The following TMLHE variants were observed in gnomAD, a reference collection of about 807,000 sequenced individuals.
The protein encoded by TMLHE is trimethyllysine dioxygenase, mitochondrial.
TMLHE carries 18 observed loss-of-function variants against 25.7 expected under a neutral mutation model. The ratio of observed to expected loss-of-function variants is 0.70; its 90% CI spans 0.48 to 1.04. TMLHE has a LOEUF of 1.04. Among genes scored for constraint, TMLHE ranks in the 50% least tolerant of loss-of-function variants. TMLHE has a pLI of 0.00. For missense variants in TMLHE, 236 were observed against 259.0 expected, an observed-to-expected ratio of 0.91 and a Z score of 0.61; for synonymous variants, 105 against 97.0, an observed-to-expected ratio of 1.08 and a Z score of -0.49.
chrX:155,536,229 G>A (rs1054613183), intron 2 of TMLHE, among the ~76,000 whole-genome samples: 1 of 111,004 alleles, frequency 9.0e-6, no homozygotes, highest in African/African-American at 3.3e-5. Flanking sequence ...CTTCCTCTCT[G>A]CATGCTTTGC....
intron 1 of TMLHE, among the ~76,000 whole-genome samples, chrX:155,586,285 A>G (rs1158412763): frequency 9.0e-6 from 1 of 111,107 alleles, no homozygotes; most frequent in African/African-American, 3.3e-5. Context: ...GCATTGAGTC[A>G]AGAAATAAAT....
At chrX:155,548,000 C>G (rs2067365813) in intron 1 of TMLHE, among the ~76,000 whole-genome samples, 1 of 111,404 alleles carries the variant, frequency 9.0e-6, no homozygotes, top group African/African-American at 3.3e-5. Flanking sequence ...CAAATGTTAC[C>G]AGTTTCAATT....
intron 3 of TMLHE, among the ~76,000 whole-genome samples, chrX:155,516,038 CT>C (rs1355678187): frequency 4.5e-4 from 19 of 42,267 alleles, no homozygotes; most frequent in African/African-American, 1.6e-3. Context: ...TTATTATACT[CT>C]AAGTTTTAGG....
intron 1 of TMLHE, among the ~76,000 whole-genome samples, chrX:155,570,568 T>C (rs2067542818): frequency 1.8e-5 from 1 of 56,713 alleles, no homozygotes; most frequent in Non-Finnish European, 4.6e-5. Context: ...TATTCCAAAA[T>C]TGACCACATA....
At chrX:155,593,542 A>T (rs1231985787) in intron 1 of TMLHE, among the ~76,000 whole-genome samples, 2 of 112,100 alleles carry the variant, frequency 1.8e-5, no homozygotes, top group Non-Finnish European at 3.8e-5. Context: ...GAATCAAGGA[A>T]TCATTACATC....
chrX:155,507,307 T>C (rs5940458), intron 5 of TMLHE, among the ~76,000 whole-genome samples, 173 bp from the exon 6 acceptor site: 1 of 108,504 alleles, frequency 9.2e-6, no homozygotes, highest in South Asian at 4.0e-4. Context: ...CTTTTTTGTG[T>C]TTTGAAATAT....
chrX:155,586,665 G>A (rs1557345350), intron 1 of TMLHE, among the ~76,000 whole-genome samples: 2 of 111,305 alleles, frequency 1.8e-5, no homozygotes, highest in East Asian at 2.8e-4. Context: ...AACAAAATTA[G>A]AAATGAAAAA....
intron 1 of TMLHE, among the ~76,000 whole-genome samples, chrX:155,561,336 A>G (rs781913238): frequency 3.3e-5 from 2 of 60,937 alleles, no homozygotes; most frequent in African/African-American, 7.3e-5. Context: ...AAACCATCAG[A>G]TCTCATGAGA....
chrX:155,548,734 C>CA (rs782184670), intron 1 of TMLHE, among the ~76,000 whole-genome samples: 9,318 of 78,231 alleles, frequency 0.12, 821 homozygotes, highest in African/African-American at 0.29. Context: ...GACTCTGTCT[C>CA]AAAAAAAAAA....
chrX:155,547,275 G>T (rs782281440), intron 1 of TMLHE, among the ~76,000 whole-genome samples: 1 of 89,295 alleles, frequency 1.1e-5, no homozygotes, highest in East Asian at 3.6e-4. Context: ...CTCCCGAGTA[G>T]CTGGGACTAC....
intron 1 of TMLHE, among the ~76,000 whole-genome samples, chrX:155,549,597 TTTTATACATTGTTGGATTC>T (rs2067398287): frequency 9.0e-6 from 1 of 110,500 alleles, no homozygotes; most frequent in Non-Finnish European, 1.9e-5. Context: ...ATATTATCCT[TTTTATACATTGTTGGATTC>T]AATATGCTGA....
intron 2 of TMLHE, among the ~76,000 whole-genome samples, chrX:155,525,446 T>C (rs1473504072): frequency 8.9e-6 from 1 of 112,171 alleles, no homozygotes; most frequent in Non-Finnish European, 1.9e-5. Context: ...CTTCATAAAG[T>C]ACCCAGTTTC....
At chrX:155,525,542 A>G (rs1339695449) in intron 2 of TMLHE, among the ~76,000 whole-genome samples, 1 of 112,388 alleles carries the variant, frequency 8.9e-6, no homozygotes, top group African/African-American at 3.2e-5. Context: ...AGATACCTGA[A>G]AATGTCGAAG....
intron 1 of TMLHE, among the ~76,000 whole-genome samples, chrX:155,587,125 T>C (rs1351862921): frequency 1.8e-5 from 2 of 111,490 alleles, no homozygotes; most frequent in African/African-American, 6.5e-5. Context: ...AACAAAATAC[T>C]AGCAAACAAA....
chrX:155,578,257 A>C (rs1017887916), intron 1 of TMLHE, among the ~76,000 whole-genome samples: 3 of 111,399 alleles, frequency 2.7e-5, no homozygotes, highest in African/African-American at 9.8e-5. Context: ...CCCCACCTGA[A>C]TATCCTGCCG....
At chrX:155,574,329 G>A (rs912329769) in intron 1 of TMLHE, among the ~76,000 whole-genome samples, 4 of 111,809 alleles carry the variant, frequency 3.6e-5, no homozygotes, top group Non-Finnish European at 7.5e-5. Context: ...GTCCCTGGGA[G>A]AACATGAGTC....
At chrX:155,504,725 C>T (rs1360891815) in intron 6 of TMLHE, among the ~76,000 whole-genome samples, 2 of 111,068 alleles carry the variant, frequency 1.8e-5, no homozygotes, top group Non-Finnish European at 3.8e-5. Context: ...TTAAAAAAAA[C>T]ACTTTTACAT....
At position 155,537,820 on chromosome X, in the gene TMLHE, G is replaced by A. The variant is rs2067287898; in HGVS notation, c.181+7276C>T. ...CTGTGCAGCCAAGCAGCTGAAAATT[G>A]CTGGAGAAAAATTTTTCTTTTATGT... On this transcript the variant is annotated intron_variant, in intron 2 of 7. Coordinates refer to ENST00000334398, the MANE Select transcript of TMLHE (RefSeq NM_018196.4). Among the ~76,000 whole-genome samples the A allele has an allele frequency of 4.5e-5, 5 of 110,677 alleles. No homozygotes were observed. In the Admixed American group the frequency reaches 4.9e-4, roughly 11 times the overall value.
intron 1 of TMLHE, among the ~76,000 whole-genome samples, chrX:155,581,097 G>C (rs1380340271): frequency 8.9e-6 from 1 of 111,815 alleles, no homozygotes; most frequent in Non-Finnish European, 1.9e-5. Context: ...AATAGAAGCA[G>C]AAAAGGCCTT....
Sources: gnomAD v4.1 joint callset for allele counts (sites outside exome capture counted in the v4.1 genomes callset) on GRCh38, gnomAD v4.1.1 for gene constraint, MANE v1.5 for transcripts, NCBI Gene and HGNC (gene_info 2026-07-23, HGNC 2026-07-21) for gene names.